PUDP: variants seen among roughly 807,000 people sequenced by gnomAD.
The protein encoded by PUDP is pseudouridine 5'-phosphatase.
In PUDP, 8 loss-of-function variants were observed where a neutral mutation model predicts 9.4. The observed-to-expected ratio is 0.85, with a 90% confidence interval of 0.50 to 1.53. The LOEUF (loss-of-function observed/expected upper bound fraction) is 1.53. PUDP is among the 40% of genes most tolerant of loss of function. The pLI is 0.00. For missense variants in PUDP, 188 were observed against 189.7 expected, an observed-to-expected ratio of 0.99 and a Z score of 0.05; for synonymous variants, 99 against 80.7, an observed-to-expected ratio of 1.23 and a Z score of -1.22.
chrX:6,788,832 T>C lies in PUDP; in HGVS notation c.*248-82366A>G, dbSNP rs991199939. 2.2e-4 allele frequency among the ~76,000 whole-genome samples: 25 copies of C among 112,566 alleles called. 1 individual carries two copies. Among genetic ancestry groups the C allele is most frequent in the African/African-American group, 8.1e-4 (25 of 31,038 alleles). On this transcript the variant is annotated intron_variant and NMD_transcript_variant, in intron 3 of 3. Transcript: ENST00000655425. ...TTGCTATTTCTCTTGAAGGGGAAAATAAATCCACAAAACGAAATAAAGGGT... is the reference window on the plus strand; with the variant it reads ...TTGCTATTTCTCTTGAAGGGGAAAACAAATCCACAAAACGAAATAAAGGGT...
intron 3 of PUDP, among the ~76,000 whole-genome samples, chrX:6,769,033 C>A (rs760838897): frequency 1.5e-4 from 17 of 111,757 alleles, no homozygotes; most frequent in South Asian, 3.8e-4. Flanking sequence ...CTCACTGGCA[C>A]AGTGCTCGAA....
chrX:6,926,812 T>C (rs746703018), intron 3 of PUDP, among the ~76,000 whole-genome samples: 50 of 111,749 alleles, frequency 4.5e-4, no homozygotes, highest in Non-Finnish European at 9.0e-4. Flanking sequence ...TTTGGATAAA[T>C]GAATCCTCCA....
chrX:6,850,758 G>A (rs756271387), intron 3 of PUDP, among the ~76,000 whole-genome samples: 1 of 112,377 alleles, frequency 8.9e-6, no homozygotes, highest in Non-Finnish European at 1.9e-5. Context: ...CACATTTGCT[G>A]TTGCCAAATA....
upstream of PUDP, among the ~76,000 whole-genome samples, chrX:6,725,115 G>A (rs375826192): frequency 1.7e-4 from 19 of 111,694 alleles, no homozygotes; most frequent in South Asian, 6.9e-3. Flanking sequence ...ACTGGCACAG[G>A]TGTGTTTCCT....
intron 1 of PUDP, among the ~76,000 whole-genome samples, chrX:7,111,142 C>G (rs1285585484): frequency 3.6e-5 from 4 of 111,553 alleles, no homozygotes; most frequent in Non-Finnish European, 7.5e-5. Flanking sequence ...CTTTCTCCTG[C>G]TGCCTTGCCA....
intron 3 of PUDP, among the ~76,000 whole-genome samples, chrX:6,830,878 G>C (rs996569989): frequency 8.9e-6 from 1 of 112,217 alleles, no homozygotes; most frequent in East Asian, 2.8e-4. Flanking sequence ...GCCTAGACAA[G>C]AGCCAATTTA....
At chrX:6,720,268 A>G (rs1419238757) in intron 1 of PUDP, among the ~76,000 whole-genome samples, 2 of 85,374 alleles carry the variant, frequency 2.3e-5, no homozygotes, top group Non-Finnish European at 4.4e-5. Flanking sequence ...GTATATATAT[A>G]TATATATATA....
At chrX:7,133,995 T>A (rs1162146124) in intron 1 of PUDP, among the ~76,000 whole-genome samples, 3 of 112,088 alleles carry the variant, frequency 2.7e-5, no homozygotes, top group Non-Finnish European at 5.6e-5. Context: ...AGGTCAGATA[T>A]GAACTGAACA....
At chrX:6,906,703 T>C (rs980087674) in intron 3 of PUDP, among the ~76,000 whole-genome samples, 1 of 111,540 alleles carries the variant, frequency 9.0e-6, no homozygotes, top group African/African-American at 3.3e-5. Flanking sequence ...ACAACCCCAG[T>C]CCAATTTCAG....
At chrX:7,030,240 C>A (rs764265289) in intron 1 of PUDP, among the ~76,000 whole-genome samples, 16 of 110,745 alleles carry the variant, frequency 1.4e-4, no homozygotes, top group Non-Finnish European at 2.8e-4. Context: ...GTATTGATAA[C>A]CCATGTAAAT....
At chrX:6,809,311 T>G (rs889996345) in intron 3 of PUDP, among the ~76,000 whole-genome samples, 1 of 109,637 alleles carries the variant, frequency 9.1e-6, no homozygotes, top group Non-Finnish European at 1.9e-5. Context: ...TTTTAAAAAT[T>G]TTAAGATATG....
intron 3 of PUDP, among the ~76,000 whole-genome samples, chrX:6,781,311 T>C (rs1450967988): frequency 8.9e-6 from 1 of 111,867 alleles, no homozygotes; most frequent in Non-Finnish European, 1.9e-5. Context: ...TGATTCATTC[T>C]CAAGGGATAC....
chrX:7,113,499 C>T (rs1233747551), intron 1 of PUDP: 1 of 112,514 alleles, frequency 8.9e-6, no homozygotes, highest in African/African-American at 3.2e-5. Flanking sequence ...TTAGCTTCCT[C>T]GGAAGGGCTA....
chrX:7,005,332 G>A (rs1222943899), intron 1 of PUDP, among the ~76,000 whole-genome samples: 5 of 111,254 alleles, frequency 4.5e-5, no homozygotes, highest in Non-Finnish European at 9.4e-5. Context: ...AGGTACAGGA[G>A]TGAGGCAAGG....
At chrX:6,812,148 C>T (rs1926154055) in intron 3 of PUDP, among the ~76,000 whole-genome samples, 2 of 112,026 alleles carry the variant, frequency 1.8e-5, no homozygotes, top group Admixed American at 9.5e-5. Flanking sequence ...AGGTGAGTAT[C>T]GAGACTGTAA....
chrX:6,959,443 C>G (rs752912154), intron 3 of PUDP, among the ~76,000 whole-genome samples: 19 of 112,119 alleles, frequency 1.7e-4, no homozygotes, highest in Non-Finnish European at 3.4e-4. Context: ...AGTCATGAAC[C>G]TTGGTGGTGT....
At chrX:7,079,136 C>T (rs1931006584) in intron 2 of PUDP, among the ~76,000 whole-genome samples, 1 of 112,363 alleles carries the variant, frequency 8.9e-6, no homozygotes, top group African/African-American at 3.2e-5. Context: ...GGATAGAAAA[C>T]TACATACCAC....
chrX:7,128,498 G>A (rs1932538825), intron 1 of PUDP, among the ~76,000 whole-genome samples: 1 of 111,761 alleles, frequency 8.9e-6, no homozygotes, highest in Non-Finnish European at 1.9e-5. Context: ...AGCACCCACA[G>A]TACACCATGC....
At chrX:6,833,905 T>C (rs891586706) in intron 3 of PUDP, among the ~76,000 whole-genome samples, 5 of 112,442 alleles carry the variant, frequency 4.4e-5, no homozygotes, top group South Asian at 7.4e-4. Context: ...AAAATTACAT[T>C]ACCTCATAAA....
Sources: allele counts gnomAD v4.1 joint callset (sites outside exome capture counted in the v4.1 genomes callset), GRCh38; gene constraint gnomAD v4.1.1; transcripts MANE v1.5; gene names NCBI Gene and HGNC (gene_info 2026-07-23, HGNC 2026-07-21).